Variants in RAB28 observed in about 807,000 individuals in gnomAD.
The protein encoded by RAB28 is ras-related protein Rab-28.
A neutral mutation model predicts 31.7 loss-of-function variants in RAB28; 24 were observed. The ratio of observed to expected loss-of-function variants is 0.76; its 90% CI spans 0.55 to 1.06. The LOEUF (loss-of-function observed/expected upper bound fraction) is 1.06. Among genes scored for constraint, RAB28 ranks in the 50% least tolerant of loss-of-function variants. The pLI is 0.00. For synonymous variants in RAB28, 100 were observed against 90.4 expected (o/e 1.11, Z -0.60); for missense variants, 254 against 258.5 (o/e 0.98, Z 0.12).
At chr4:13,390,119 T>C (rs998016324) in intron 4 of RAB28, among the ~76,000 whole-genome samples, 1 of 152,046 alleles carries the variant, frequency 6.6e-6, no homozygotes, top group Non-Finnish European at 1.5e-5. Context: ...GTCAAATTGT[T>C]CCTGTTTGCA....
chr4:13,376,332 G>A (rs1454526625), intron 6 of RAB28, among the ~76,000 whole-genome samples: 1 of 152,030 alleles, frequency 6.6e-6, no homozygotes, highest in African/African-American at 2.4e-5. Flanking sequence ...CCCAACAAAA[G>A]AGACAAAATG....
Position 13,368,387 on chromosome 4 carries a change from A to C in RAB28, c.*171T>G. 8.0e-7 allele frequency: 1 copy of C among 1,244,634 alleles called. No individual in the cohort carries two copies. The highest frequency in any genetic ancestry group is 1.0e-6 in the Non-Finnish European group (1 of 993,512). The allele number at this position is 1,244,634 out of a possible 1,614,324, so 77.1% of individuals were successfully genotyped here. On this transcript the variant is annotated 3_prime_UTR_variant, in exon 7 of 7. Transcript: ENST00000330852. ...TGGTCCCAAAGTTGAATTCTTTCAA[A>C]TCCAAGGAGCTGCCTGCCACTGTGA...
chr4:13,382,966 C>T (rs1260884246), intron 4 of RAB28, among the ~76,000 whole-genome samples: 2 of 152,060 alleles, frequency 1.3e-5, no homozygotes, highest in Admixed American at 6.6e-5. Context: ...TCCCAAAGTG[C>T]TAGAATTACG....
intron 4 of RAB28, among the ~76,000 whole-genome samples, chr4:13,404,866 T>C (rs1711982101): frequency 6.6e-6 from 1 of 152,080 alleles, no homozygotes; most frequent in Admixed American, 6.6e-5. Flanking sequence ...CCAGTTTTTT[T>C]GTTGGTTTTC....
intron 4 of RAB28, among the ~76,000 whole-genome samples, chr4:13,390,772 T>G (rs535340699): frequency 2.2e-4 from 34 of 152,168 alleles, no homozygotes; most frequent in Non-Finnish European, 4.6e-4. Context: ...CCATCTGATC[T>G]TTGACAAACC....
At chr4:13,379,150 G>A (rs549901056) in intron 5 of RAB28, among the ~76,000 whole-genome samples, 1 of 145,680 alleles carries the variant, frequency 6.9e-6, no homozygotes, top group Non-Finnish European at 1.5e-5. Context: ...AGGCTGCAGT[G>A]AGCTGAGATC....
chr4:13,484,234 G>T lies in RAB28; in HGVS notation c.-84C>A. 1 of 1,119,556 alleles carries T rather than the reference G, an allele frequency of 8.9e-7. No individual in the cohort carries two copies. Among genetic ancestry groups the T allele is most frequent in the Non-Finnish European group, 1.3e-6 (1 of 757,036 alleles). 69.4% of individuals were successfully genotyped at this position (1,119,556 alleles called of 1,614,324 possible). Reference sequence around the variant, plus strand: ...TCCGGGGGCGGGGGAGAGGAGGAAGGGAGGTAGTTGCGGCAGGACCCCCGC... The same window carrying T: ...TCCGGGGGCGGGGGAGAGGAGGAAGTGAGGTAGTTGCGGCAGGACCCCCGC... On this transcript the variant is annotated 5_prime_UTR_variant, in exon 1 of 7. Transcript: ENST00000330852.
At chr4:13,473,103 CCTT>C (rs1400276040) in intron 3 of RAB28, among the ~76,000 whole-genome samples, 19 of 151,908 alleles carry the variant, frequency 1.3e-4, no homozygotes, top group Non-Finnish European at 2.7e-4. Context: ...GCCATACTGT[CCTT>C]CTCCGAATAT....
At chr4:13,415,692 C>A (rs1454903829) in intron 4 of RAB28, among the ~76,000 whole-genome samples, 2 of 152,142 alleles carry the variant, frequency 1.3e-5, no homozygotes, top group African/African-American at 4.8e-5. Context: ...CTGTGTGGCC[C>A]AAGCCTCCCC....
chr4:13,425,622 C>G (rs1050962624), intron 4 of RAB28, among the ~76,000 whole-genome samples: 1 of 152,078 alleles, frequency 6.6e-6, no homozygotes, highest in Non-Finnish European at 1.5e-5. Context: ...AAATTTGGTC[C>G]ATATGCATTT....
In RAB28 at chr4:13,376,081, T is replaced by G. The variant is rs190061201; in HGVS notation, c.573+464A>C. On this transcript the variant is annotated intron_variant, in intron 6 of 6. Coordinates refer to ENST00000330852, the MANE Select transcript of RAB28 (RefSeq NM_001017979.3). ...CTTGGCTGCCGCTATGCATGTTTTT[T>G]TCTTAGCCTAAGAAAACTATCTAGG... is the stretch of plus-strand genomic sequence containing the variant. 7.0e-3 allele frequency among the ~76,000 whole-genome samples: 1,059 copies of G among 152,258 alleles called. 13 individuals are homozygous for G. Among genetic ancestry groups the G allele is most frequent in the African/African-American group, 0.024 (1,004 of 41,576 alleles).
intron 4 of RAB28, among the ~76,000 whole-genome samples, chr4:13,451,900 A>G (rs937251442): frequency 4.6e-5 from 7 of 151,946 alleles, no homozygotes; most frequent in African/African-American, 1.7e-4. Context: ...TTCACTGTAA[A>G]TATGTGAATC....
chr4:13,421,659 T>A (rs186426667), intron 4 of RAB28, among the ~76,000 whole-genome samples: 1 of 152,296 alleles, frequency 6.6e-6, no homozygotes, highest in African/African-American at 2.4e-5. Flanking sequence ...GGGAAAGGAT[T>A]CCCTATTTAA....
chr4:13,464,188 C>T (rs1010839098), intron 3 of RAB28, among the ~76,000 whole-genome samples: 5 of 152,108 alleles, frequency 3.3e-5, no homozygotes, highest in Admixed American at 3.3e-4. Flanking sequence ...GCTACCTCCA[C>T]ACTTGCATGG....
In RAB28 at chr4:13,472,536, T is replaced by C. The variant is rs1716168411; in HGVS notation, c.261+1782A>G. 2.0e-5 allele frequency among the ~76,000 whole-genome samples: 3 copies of C among 152,034 alleles called. No homozygotes were observed. In the South Asian group the frequency reaches 6.2e-4, roughly 32 times the overall value. ...TTGAATTATATATTATTATTTACCCTGAAATGCATAAAGTCCTCCTGTTCT... is the reference window on the plus strand; with the variant it reads ...TTGAATTATATATTATTATTTACCCCGAAATGCATAAAGTCCTCCTGTTCT... On this transcript the variant is annotated intron_variant, in intron 3 of 6. Coordinates refer to ENST00000330852, the MANE Select transcript of RAB28 (RefSeq NM_001017979.3).
intron 4 of RAB28, among the ~76,000 whole-genome samples, chr4:13,409,079 G>A (rs960230932): frequency 2.0e-4 from 30 of 152,096 alleles, no homozygotes; most frequent in African/African-American, 7.2e-4. Flanking sequence ...AAGCACCTCA[G>A]AGGAAAATAA....
chr4:13,384,997 C>T (rs1342712082), intron 4 of RAB28, among the ~76,000 whole-genome samples: 1 of 152,076 alleles, frequency 6.6e-6, no homozygotes, highest in Non-Finnish European at 1.5e-5. Flanking sequence ...ACAGCCAGTA[C>T]AGAAAAGAAT....
At chr4:13,434,967 C>G (rs967742846) in intron 4 of RAB28, among the ~76,000 whole-genome samples, 11 of 142,140 alleles carry the variant, frequency 7.7e-5, no homozygotes, top group African/African-American at 2.7e-4. Context: ...TGCAGTGAGC[C>G]GAGATCACGC....
At chr4:13,475,235 T>G (rs924178932) in intron 2 of RAB28, among the ~76,000 whole-genome samples, 4 of 151,580 alleles carry the variant, frequency 2.6e-5, no homozygotes, top group African/African-American at 7.3e-5. Context: ...ATACAAAAAT[T>G]TATGAGATAA....
Sources: allele counts gnomAD v4.1 joint callset (sites outside exome capture counted in the v4.1 genomes callset), GRCh38; gene constraint gnomAD v4.1.1; transcripts MANE v1.5; gene names NCBI Gene and HGNC (gene_info 2026-07-23, HGNC 2026-07-21).